NTN1: variants seen among roughly 807,000 people sequenced by gnomAD.
NTN1 encodes netrin-1.
NTN1 carries 11 observed loss-of-function variants against 54.2 expected under a neutral mutation model. The ratio of observed to expected loss-of-function variants is 0.20; its 90% CI spans 0.13 to 0.34. The LOEUF (loss-of-function observed/expected upper bound fraction) is 0.34. NTN1 is among the 10% of genes least tolerant of loss of function. The pLI is 1.00. For missense variants in NTN1, 740 were observed against 893.1 expected (o/e 0.83, Z 2.18); for synonymous variants, 371 against 382.0 (o/e 0.97, Z 0.33).
At chr17:9,070,771 T>C (rs9944521) in intron 2 of NTN1, among the ~76,000 whole-genome samples, 17,610 of 152,206 alleles carry the variant, frequency 0.12, 1,334 homozygotes, top group Non-Finnish European at 0.16. Flanking sequence ...TTTGTATTTT[T>C]AGTAGAGATG....
At chr17:9,183,620 C>G (rs2092425505) in intron 5 of NTN1, 1 of 243,588 alleles carries the variant, frequency 4.1e-6, no homozygotes, top group African/African-American at 2.3e-5. Context: ...ACTAGACCTG[C>G]TGCTAGATCC....
rs544343237 is a variant in NTN1, at chr17:9,212,876, G to T, written c.1412-8292G>T. On this transcript the variant is annotated intron_variant, in intron 5 of 6. Transcript: ENST00000173229. This position sits in a 1 kb window ranked among gnomAD's most constrained non-coding sequence, Gnocchi z 5.5. Reference sequence around the variant, plus strand: ...TGCTCCAAGGGGAGGTGCCAGATGCGGTGCCCCTGGCTTCAACCGTGGCCG... The same window carrying T: ...TGCTCCAAGGGGAGGTGCCAGATGCTGTGCCCCTGGCTTCAACCGTGGCCG... Among the ~76,000 whole-genome samples the T allele has an allele frequency of 1.3e-5, 2 of 152,216 alleles. No homozygotes were observed. The highest frequency in any genetic ancestry group is 4.8e-5 in the African/African-American group (2 of 41,460).
At position 9,022,467 on chromosome 17, in the gene NTN1, G is replaced by T; in HGVS notation, c.94G>T (p.Ala32Ser). ...CGGCGGGCCCGGGCTCAGCATGTTC[G>T]CGGGCCAGGCGGCGCAGCCCGATCC... ...VRGGPGLSMF[A>S]GQAAQPDPCS... The change falls in exon 2 of 7, where the codon GCG (alanine) becomes TCG (serine). Residue 32 changes from alanine to serine, a missense_variant. Physicochemically the swap from Ala to Ser is moderately conservative, Grantham distance 99. Coordinates refer to ENST00000173229, the MANE Select transcript of NTN1 (RefSeq NM_004822.3). 1 of 1,519,986 alleles carries T rather than the reference G, an allele frequency of 6.6e-7. No individual in the cohort carries two copies. Among genetic ancestry groups the T allele is most frequent in the East Asian group, 2.5e-5 (1 of 39,392 alleles). The allele number at this position is 1,519,986 out of a possible 1,614,324, so 94.2% of individuals were successfully genotyped here. A position where few individuals can be genotyped will look rare whatever the true frequency, so the allele number is the denominator to read the frequency against.
intron 2 of NTN1, among the ~76,000 whole-genome samples, chr17:9,082,430 C>T (rs1567706054): frequency 6.6e-6 from 1 of 152,230 alleles, no homozygotes. Context: ...CCTCATTTGA[C>T]AGCTGCATTT....
Position 9,165,814 on chromosome 17 carries a change from T to C in NTN1, c.1207+2813T>C, listed in dbSNP as rs2092371598. Among the ~76,000 whole-genome samples the C allele has an allele frequency of 6.6e-6, 1 of 152,132 alleles. No homozygotes were observed. The highest frequency in any genetic ancestry group is 1.5e-5 in the Non-Finnish European group (1 of 68,014). On this transcript the variant is annotated intron_variant, in intron 3 of 6. Coordinates refer to ENST00000173229, the MANE Select transcript of NTN1 (RefSeq NM_004822.3). The surrounding 1 kb of genome is among the most constrained non-coding windows in gnomAD (Gnocchi z 4.5). The stretch of plus-strand genomic sequence containing the variant: ...CTGATTGGTGAGGAAAGACAGGGCT[T>C]TGAGGTTTCTGCTTTCTGATTGGTG...
intron 2 of NTN1, among the ~76,000 whole-genome samples, chr17:9,095,270 C>A (rs894485321): frequency 6.6e-6 from 1 of 152,160 alleles, no homozygotes; most frequent in African/African-American, 2.4e-5. Context: ...GGTGCTCGTT[C>A]ATGCAGAAAA....
intron 2 of NTN1, among the ~76,000 whole-genome samples, chr17:9,129,224 A>T (rs78660143): frequency 6.6e-6 from 1 of 152,048 alleles, no homozygotes; most frequent in African/African-American, 2.4e-5. Context: ...TGGGGACGCC[A>T]TTCAGGGAAT....
chr17:9,072,776 GC>G (rs929547231), intron 2 of NTN1, among the ~76,000 whole-genome samples: 1 of 152,216 alleles, frequency 6.6e-6, no homozygotes, highest in Non-Finnish European at 1.5e-5. Flanking sequence ...GGGAGGCCCT[GC>G]CAAGCCCAAC....
intron 2 of NTN1, among the ~76,000 whole-genome samples, chr17:9,108,247 A>T (rs1429087899): frequency 6.6e-6 from 1 of 152,166 alleles, no homozygotes; most frequent in Non-Finnish European, 1.5e-5. Flanking sequence ...CAGACAGATC[A>T]CCAAGGCTGC....
intron 2 of NTN1, among the ~76,000 whole-genome samples, chr17:9,108,766 A>T (rs6503182): frequency 0.72 from 109,978 of 152,132 alleles, 40,005 homozygotes; most frequent in East Asian, 0.95. Context: ...TCCTCAGCAT[A>T]GTTAGAACAC....
rs58849878 is a variant in NTN1, at chr17:9,218,915, G to GAAAAAAAAAAAAAA, written c.1412-2250_1412-2237dup. Reference sequence around the variant, plus strand: ...GCTGGTGTGGGATGATGGCTTTTGTGAAAAAAAAAAAAAAAATTGCGAGGA... The same window carrying GAAAAAAAAAAAAAA: ...GCTGGTGTGGGATGATGGCTTTTGTGAAAAAAAAAAAAAAAAAAAAAAAAAAAAAATTGCGAGGA... On this transcript the variant is annotated intron_variant, in intron 5 of 6. Coordinates refer to ENST00000173229, the MANE Select transcript of NTN1 (RefSeq NM_004822.3). 2.1e-4 allele frequency among the ~76,000 whole-genome samples: 29 copies of GAAAAAAAAAAAAAA among 141,166 alleles called. 1 individual carries two copies. The highest frequency in any genetic ancestry group is 3.5e-3 in the Middle Eastern group (1 of 282). 92.6% of individuals were successfully genotyped at this position (141,166 alleles called of 152,430 possible).
At chr17:9,088,415 G>A (rs2092096732) in intron 2 of NTN1, among the ~76,000 whole-genome samples, 2 of 152,110 alleles carry the variant, frequency 1.3e-5, no homozygotes, top group South Asian at 4.1e-4. Flanking sequence ...TCCCCTCTCT[G>A]GGCTTCAGAC....
chr17:9,200,231 C>G (rs1449978120), intron 5 of NTN1, among the ~76,000 whole-genome samples: 1 of 152,238 alleles, frequency 6.6e-6, no homozygotes, highest in African/African-American at 2.4e-5. Context: ...AGAGAGCCAA[C>G]TGGTTCCCTA....
intron 6 of NTN1, among the ~76,000 whole-genome samples, chr17:9,225,694 G>C (rs1209723307): frequency 6.6e-6 from 1 of 152,142 alleles, no homozygotes; most frequent in African/African-American, 2.4e-5. Flanking sequence ...GGATGAGAGA[G>C]CAGGGGAGGC....
intron 4 of NTN1, among the ~76,000 whole-genome samples, 198 bp from the exon 5 acceptor site, chr17:9,182,718 A>G (rs1428702327): frequency 6.6e-6 from 1 of 152,122 alleles, no homozygotes; most frequent in African/African-American, 2.4e-5. Flanking sequence ...AAAGGAGAAA[A>G]ACGCCACGTG....
At chr17:9,010,843 A>G in the NTN1 span, among the ~76,000 whole-genome samples, 3 of 152,132 alleles carry the variant, frequency 2.0e-5, no homozygotes, top group Admixed American at 2.0e-4. Context: ...TAGTTTTGGG[A>G]TGATCCAAGC....
chr17:9,027,598 T>G (rs2091875362), intron 2 of NTN1, among the ~76,000 whole-genome samples: 1 of 152,262 alleles, frequency 6.6e-6, no homozygotes, highest in South Asian at 2.1e-4. Flanking sequence ...AACCTATTGC[T>G]TCTTGCTAGA....
chr17:9,054,943 G>A (rs150544988), intron 2 of NTN1, among the ~76,000 whole-genome samples: 3 of 152,288 alleles, frequency 2.0e-5, no homozygotes, highest in South Asian at 2.1e-4. Context: ...AAACAATAGC[G>A]GTTTTAATGG....
intron 2 of NTN1, among the ~76,000 whole-genome samples, chr17:9,035,053 T>C (rs1283281173): frequency 6.6e-6 from 1 of 152,134 alleles, no homozygotes; most frequent in Non-Finnish European, 1.5e-5. Flanking sequence ...TTCATGCCAT[T>C]CTCCTGCCTC....
Sources: gnomAD v4.1 joint callset for allele counts (sites outside exome capture counted in the v4.1 genomes callset) on GRCh38, gnomAD v4.1.1 for gene constraint, Gnocchi (gnomAD v3.1) non-coding constraint, MANE v1.5 for transcripts, NCBI Gene and HGNC (gene_info 2026-07-23, HGNC 2026-07-21) for gene names.